The following NAV2 variants were observed in gnomAD, a reference collection of about 807,000 sequenced individuals.
NAV2 encodes the protein neuron navigator 2.
A neutral mutation model predicts 223.2 loss-of-function variants in NAV2; 54 were observed. The observed-to-expected ratio is 0.24, with a 90% CI of 0.19 to 0.30. NAV2 has a LOEUF of 0.30. Among genes scored for constraint, NAV2 ranks in the 10% least tolerant of loss-of-function variants. The pLI is 1.00. For synonymous variants in NAV2, 1,279 were observed against 1,239.3 expected (o/e 1.03, Z -0.67); for missense variants, 2,806 against 3,147.5 (o/e 0.89, Z 2.60).
At chr11:20,108,683 C>T (rs1416404820) in intron 36 of NAV2, among the ~76,000 whole-genome samples, 1 of 151,072 alleles carries the variant, frequency 6.6e-6, no homozygotes, top group African/African-American at 2.4e-5. Flanking sequence ...AACTTCTGGC[C>T]TCAAGCAATT....
intron 1 of NAV2, among the ~76,000 whole-genome samples, chr11:19,625,382 ATTTCAT>A (rs1257793395): frequency 6.6e-6 from 1 of 152,180 alleles, no homozygotes; most frequent in Admixed American, 6.5e-5. Context: ...GAATGACAGA[ATTTCAT>A]TTCTTTTTTA....
chr11:19,644,939 T>C (rs2047773704), intron 1 of NAV2, among the ~76,000 whole-genome samples: 1 of 152,240 alleles, frequency 6.6e-6, no homozygotes, highest in African/African-American at 2.4e-5. Context: ...TGGAGCATTG[T>C]ATTGAAAATA....
At chr11:19,955,842 T>C (rs982771055) in intron 10 of NAV2, among the ~76,000 whole-genome samples, 1 of 152,160 alleles carries the variant, frequency 6.6e-6, no homozygotes, top group Non-Finnish European at 1.5e-5. Flanking sequence ...GGCAGACTGA[T>C]AGGAGAGAAA....
chr11:19,993,441 C>A (rs1240230827), intron 11 of NAV2, among the ~76,000 whole-genome samples: 1 of 152,202 alleles, frequency 6.6e-6, no homozygotes, highest in Non-Finnish European at 1.5e-5. Context: ...CACATGGCTA[C>A]ACTTAAATTC....
At chr11:19,568,155 GC>G (rs1472206613) in intron 1 of NAV2, among the ~76,000 whole-genome samples, 1 of 152,152 alleles carries the variant, frequency 6.6e-6, no homozygotes, top group Admixed American at 6.5e-5. Context: ...TGTTCCCTTG[GC>G]CTGGCACATT....
At chr11:19,927,936 C>T (rs2044938884) in intron 6 of NAV2, among the ~76,000 whole-genome samples, 1 of 152,160 alleles carries the variant, frequency 6.6e-6, no homozygotes, top group Non-Finnish European at 1.5e-5. Context: ...TTTGGCTCAA[C>T]AAGGCCTGAT....
intron 36 of NAV2, among the ~76,000 whole-genome samples, chr11:20,113,092 G>A (rs769202690): frequency 1.3e-5 from 2 of 152,214 alleles, no homozygotes; most frequent in African/African-American, 4.8e-5. Flanking sequence ...TGCCCTGGCT[G>A]TGAGCATGTC....
intron 3 of NAV2, among the ~76,000 whole-genome samples, chr11:19,852,748 C>A (rs1213454284): frequency 7.0e-6 from 1 of 142,816 alleles, no homozygotes. Flanking sequence ...ATAAAAATAT[C>A]CATATTCTCA....
chr11:19,955,209 C>A (rs2047747982), intron 10 of NAV2, among the ~76,000 whole-genome samples: 1 of 151,914 alleles, frequency 6.6e-6, no homozygotes, highest in Non-Finnish European at 1.5e-5. Flanking sequence ...GAGTTCAAGA[C>A]CAGCCTATGC....
At chr11:19,866,223 TTTG>T (rs1217262725) in intron 3 of NAV2, among the ~76,000 whole-genome samples, 1 of 152,246 alleles carries the variant, frequency 6.6e-6, no homozygotes, top group African/African-American at 2.4e-5. Flanking sequence ...TGGACAGTTC[TTTG>T]TTGTGAGAAG....
intron 1 of NAV2, among the ~76,000 whole-genome samples, chr11:19,508,615 C>T (rs1176169431): frequency 6.6e-6 from 1 of 152,156 alleles, no homozygotes; most frequent in Non-Finnish European, 1.5e-5. Context: ...CCTGATTATC[C>T]TCCACTCCAG....
chr11:19,594,280 G>A (rs1400551075), intron 1 of NAV2, among the ~76,000 whole-genome samples: 1 of 152,166 alleles, frequency 6.6e-6, no homozygotes, highest in East Asian at 1.9e-4. Context: ...TGAGGCTCAA[G>A]CACTAGAACA....
intron 19 of NAV2, among the ~76,000 whole-genome samples, chr11:20,061,276 A>G (rs2058681643): frequency 6.6e-6 from 1 of 152,112 alleles, no homozygotes; most frequent in Admixed American, 6.5e-5. Flanking sequence ...AGAACAAATA[A>G]TAAGATGTCT....
chr11:19,553,509 C>CCACACACACACACACA (rs112504639), intron 1 of NAV2, among the ~76,000 whole-genome samples: 2 of 151,264 alleles, frequency 1.3e-5, no homozygotes, highest in African/African-American at 4.9e-5. Context: ...GTAATGCAGA[C>CCACACACACACACACA]CACACACACA....
At chr11:19,347,126 C>T (rs924480932), upstream of NAV2, among the ~76,000 whole-genome samples, 6 of 152,186 alleles carry the variant, frequency 3.9e-5, no homozygotes, top group Admixed American at 2.0e-4. Context: ...AGGGGCATTG[C>T]CTGATTTTGC....
At chr11:19,643,903 C>A (rs1278893472) in intron 1 of NAV2, among the ~76,000 whole-genome samples, 1 of 152,242 alleles carries the variant, frequency 6.6e-6, no homozygotes, top group Admixed American at 6.5e-5. Flanking sequence ...ATTTGCATTT[C>A]TCTGGATGTA....
At chr11:20,102,568 G>A (rs191500029) in intron 32 of NAV2, among the ~76,000 whole-genome samples, 58 of 152,254 alleles carry the variant, frequency 3.8e-4, no homozygotes, top group Middle Eastern at 3.4e-3. Context: ...GGCCCTTAAA[G>A]CCCTGCCTGG....
chr11:19,988,076 C>T (rs12792546), intron 11 of NAV2, among the ~76,000 whole-genome samples: 11,712 of 152,254 alleles, frequency 0.077, 569 homozygotes, highest in South Asian at 0.11. Context: ...CAAAAGTTCC[C>T]GAACTCCAGC....
At chr11:19,955,157 A>G (rs1346098256) in intron 10 of NAV2, among the ~76,000 whole-genome samples, 1 of 152,140 alleles carries the variant, frequency 6.6e-6, no homozygotes, top group Non-Finnish European at 1.5e-5. Context: ...CTGCAATCCC[A>G]GCACTTTGGG....
Sources: allele counts gnomAD v4.1 joint callset (sites outside exome capture counted in the v4.1 genomes callset), GRCh38; gene constraint gnomAD v4.1.1; transcripts MANE v1.5; gene names NCBI Gene and HGNC (gene_info 2026-07-23, HGNC 2026-07-21).